CACNB2: variants seen among roughly 807,000 people sequenced by gnomAD.
CACNB2 encodes calcium voltage-gated channel auxiliary subunit beta 2.
In CACNB2, 42 loss-of-function variants were observed where a neutral mutation model predicts 73.3. The ratio of observed to expected loss-of-function variants is 0.57; its 90% confidence interval spans 0.45 to 0.74. The LOEUF is 0.74. Among genes scored for constraint, CACNB2 ranks in the 30% least tolerant of loss-of-function variants. The pLI, the probability that CACNB2 is intolerant of heterozygous loss-of-function variation, is 0.00. For missense variants in CACNB2, 940 were observed against 853.0 expected (o/e 1.10, Z -1.27); for synonymous variants, 348 against 310.3 (o/e 1.12, Z -1.28).
chr10:18,519,599 C>T (rs2051640701), intron 9 of CACNB2: 3 of 416,354 alleles, frequency 7.2e-6, no homozygotes, highest in Non-Finnish European at 1.4e-5. Flanking sequence ...CCTTTGCTCT[C>T]TCCTCATGAG....
intron 2 of CACNB2, chr10:18,261,432 A>G (rs1046923090): frequency 3.6e-6 from 5 of 1,394,452 alleles, no homozygotes; most frequent in Non-Finnish European, 5.0e-6. Context: ...CCAACCAGAC[A>G]GTCGATCATT....
chr10:18,447,557 C>T (rs1029601024), intron 3 of CACNB2, among the ~76,000 whole-genome samples: 8 of 152,162 alleles, frequency 5.3e-5, no homozygotes, highest in Admixed American at 5.2e-4. Flanking sequence ...TAGGACTTTG[C>T]AGAGTCAGGG....
chr10:18,450,938 C>T (rs550103160), intron 3 of CACNB2, among the ~76,000 whole-genome samples: 7 of 152,272 alleles, frequency 4.6e-5, no homozygotes, highest in South Asian at 4.1e-4. Flanking sequence ...CGCCCAGCCC[C>T]GTTTGCTTTT....
At chr10:18,216,968 G>A (rs928035769) in intron 2 of CACNB2, among the ~76,000 whole-genome samples, 1 of 152,140 alleles carries the variant, frequency 6.6e-6, no homozygotes, top group Non-Finnish European at 1.5e-5. Flanking sequence ...CTATTTTCTA[G>A]CAATAACCCA....
rs1241974896 is a variant in CACNB2, at chr10:18,514,298, T to C, written c.733T>C (p.Ser245Pro). ...AAATGATATTCCAGCAAACCACCGC[T>C]CCCCTAAACCCAGTGCAAACAGTGT... The part of the protein sequence containing the change: ...EENDIPANHR[S>P]PKPSANSVTS... Residue 245 changes from serine to proline, a missense_variant, in exon 7 of 14, where the codon TCC (serine) becomes CCC (proline). Ser to Pro is a moderately conservative substitution (Grantham distance 74). Coordinates refer to ENST00000324631, the MANE Select transcript of CACNB2 (RefSeq NM_201596.3). 1 of 1,613,956 alleles carries C rather than the reference T, an allele frequency of 6.2e-7. No individual in the cohort carries two copies. The highest frequency in any genetic ancestry group is 8.5e-7 in the Non-Finnish European group (1 of 1,179,998).
chr10:18,157,453 G>A (rs1004391993), intron 2 of CACNB2, among the ~76,000 whole-genome samples: 5 of 152,140 alleles, frequency 3.3e-5, no homozygotes, highest in African/African-American at 4.8e-5. Flanking sequence ...AGAACCATAC[G>A]TAATATGCAT....
intron 3 of CACNB2, among the ~76,000 whole-genome samples, chr10:18,419,191 C>CGTAA (rs1257640333): frequency 6.6e-6 from 1 of 152,168 alleles, no homozygotes; most frequent in Non-Finnish European, 1.5e-5. Flanking sequence ...CTCCTCTGAG[C>CGTAA]GTACTGTGAC....
At chr10:18,389,696 A>G (rs2043380505) in intron 2 of CACNB2, among the ~76,000 whole-genome samples, 1 of 152,242 alleles carries the variant, frequency 6.6e-6, no homozygotes, top group Non-Finnish European at 1.5e-5. Flanking sequence ...CTAGTTACAC[A>G]TAGAAAGTAA....
intron 2 of CACNB2, among the ~76,000 whole-genome samples, chr10:18,166,999 A>G (rs1311218431): frequency 6.6e-6 from 1 of 152,220 alleles, no homozygotes; most frequent in Middle Eastern, 3.2e-3. Context: ...TCTCCCGCTC[A>G]TTGAGAATAA....
intron 2 of CACNB2, among the ~76,000 whole-genome samples, chr10:18,237,829 G>A (rs1412413695): frequency 2.6e-5 from 4 of 152,232 alleles, no homozygotes; most frequent in African/African-American, 7.2e-5. Context: ...CATAGATGGA[G>A]TTGAGTTGTG....
intron 3 of CACNB2, among the ~76,000 whole-genome samples, chr10:18,458,246 A>G (rs1232199885): frequency 6.6e-6 from 1 of 152,248 alleles, no homozygotes; most frequent in East Asian, 1.9e-4. Flanking sequence ...GTCATAATTT[A>G]AGATAAAAAT....
At chr10:18,228,727 T>C (rs2036112182) in intron 2 of CACNB2, among the ~76,000 whole-genome samples, 1 of 111,448 alleles carries the variant, frequency 9.0e-6, no homozygotes, top group African/African-American at 3.1e-5. Context: ...TTTTACCCTC[T>C]TCCCTCTTAA....
chr10:18,477,730 G>C (rs762837970), intron 3 of CACNB2, among the ~76,000 whole-genome samples: 12 of 152,296 alleles, frequency 7.9e-5, no homozygotes, highest in Admixed American at 6.5e-4. Flanking sequence ...GAAAGGGGCA[G>C]GTTAGGGAAG....
At chr10:18,493,160 A>T (rs1317030501) in intron 3 of CACNB2, among the ~76,000 whole-genome samples, 1 of 152,138 alleles carries the variant, frequency 6.6e-6, no homozygotes, top group South Asian at 2.1e-4. Context: ...GTTATGCGCA[A>T]ATAGTACGCT....
In CACNB2 at chr10:18,540,025, G is replaced by A; in HGVS notation, c.*301G>A. ...CAAAATCTGTTGCCACCCAGGTGAT[G>A]TTAGTGTTTTAAGAAATGTAGTTGA... On this transcript the variant is annotated 3_prime_UTR_variant, in exon 14 of 14. Coordinates refer to ENST00000324631, the MANE Select transcript of CACNB2 (RefSeq NM_201596.3). The A allele has an allele frequency of 3.1e-6, 1 of 321,612 alleles. No individual in the cohort carries two copies. The highest frequency in any genetic ancestry group is 5.8e-6 in the Non-Finnish European group (1 of 172,556). The allele number at this position is 321,612 out of a possible 1,614,324, so 19.9% of individuals were successfully genotyped here.
chr10:18,329,105 C>T (rs17610248), intron 2 of CACNB2, among the ~76,000 whole-genome samples: 11,448 of 152,176 alleles, frequency 0.075, 602 homozygotes, highest in Non-Finnish European at 0.11. Flanking sequence ...CATGCTCTGT[C>T]ATTGACTTGC....
At chr10:18,329,318 T>C (rs2040706239) in intron 2 of CACNB2, among the ~76,000 whole-genome samples, 1 of 152,226 alleles carries the variant, frequency 6.6e-6, no homozygotes, top group South Asian at 2.1e-4. Flanking sequence ...TAAGCAATTG[T>C]TAAACAGCAT....
intron 2 of CACNB2, among the ~76,000 whole-genome samples, chr10:18,174,237 C>T (rs12766683): frequency 0.081 from 11,169 of 138,326 alleles, 502 homozygotes; most frequent in South Asian, 0.1. Flanking sequence ...CTTCCCCTTC[C>T]TTCTCCCCTC....
At chr10:18,349,630 C>T (rs1053798505) in intron 2 of CACNB2, among the ~76,000 whole-genome samples, 1 of 151,602 alleles carries the variant, frequency 6.6e-6, no homozygotes, top group Non-Finnish European at 1.5e-5. Context: ...CTAGAATAGA[C>T]TCACAGAGTC....
Sources: allele counts gnomAD v4.1 joint callset (sites outside exome capture counted in the v4.1 genomes callset), GRCh38; gene constraint gnomAD v4.1.1; transcripts MANE v1.5; gene names NCBI Gene and HGNC (gene_info 2026-07-23, HGNC 2026-07-21).